The following RAPGEF4 variants were observed in gnomAD, a reference collection of about 807,000 sequenced individuals.
RAPGEF4 encodes the protein RAP guanine-nucleotide-exchange factor (GEF) 4.
A neutral mutation model predicts 147.9 loss-of-function variants in RAPGEF4; 66 were observed. The observed-to-expected ratio is 0.45, with a 90% CI of 0.37 to 0.55. RAPGEF4 has a LOEUF of 0.55. RAPGEF4 is among the 20% of genes least tolerant of loss of function. RAPGEF4 has a pLI of 0.00. For missense variants in RAPGEF4, 1,071 were observed against 1,257.3 expected (o/e 0.85, Z 2.24); for synonymous variants, 419 against 442.7 (o/e 0.95, Z 0.67).
chr2:173,003,624 A>G (rs1179113705), intron 17 of RAPGEF4, among the ~76,000 whole-genome samples: 1 of 152,176 alleles, frequency 6.6e-6, no homozygotes, highest in Non-Finnish European at 1.5e-5. Flanking sequence ...CCCCACAAAA[A>G]AACAAAAAAG....
At chr2:172,763,278 T>C (rs921078477) in intron 1 of RAPGEF4, among the ~76,000 whole-genome samples, 11 of 152,248 alleles carry the variant, frequency 7.2e-5, no homozygotes, top group African/African-American at 2.2e-4. Context: ...AGAATTTTTA[T>C]AAAGCCTTTG....
At chr2:172,774,175 A>G (rs914945839) in intron 1 of RAPGEF4, among the ~76,000 whole-genome samples, 1 of 152,234 alleles carries the variant, frequency 6.6e-6, no homozygotes, top group Non-Finnish European at 1.5e-5. Flanking sequence ...AGCATGACAT[A>G]TGGAGCCCTA....
intron 6 of RAPGEF4, among the ~76,000 whole-genome samples, chr2:172,950,997 A>G (rs920806282): frequency 6.6e-6 from 1 of 152,252 alleles, no homozygotes; most frequent in Non-Finnish European, 1.5e-5. Flanking sequence ...AGAAATGAAG[A>G]ATCTTAGGTA....
At chr2:173,032,624 G>C (rs1259189641) in intron 26 of RAPGEF4, among the ~76,000 whole-genome samples, 1 of 152,154 alleles carries the variant, frequency 6.6e-6, no homozygotes, top group Admixed American at 6.5e-5. Flanking sequence ...GCCCATCCCA[G>C]CTTTCAGCCC....
At chr2:172,905,257 G>A (rs1424383338) in intron 4 of RAPGEF4, among the ~76,000 whole-genome samples, 1 of 151,990 alleles carries the variant, frequency 6.6e-6, no homozygotes, top group African/African-American at 2.4e-5. Context: ...GCGAATCCAG[G>A]TATTTGTACT....
intron 1 of RAPGEF4, among the ~76,000 whole-genome samples, chr2:172,769,981 G>A (rs1219811689): frequency 6.6e-6 from 1 of 152,148 alleles, no homozygotes; most frequent in East Asian, 1.9e-4. Flanking sequence ...GGATAAAAAG[G>A]TGATCATGAT....
At chr2:172,842,147 C>G (rs1291894727) in intron 4 of RAPGEF4, among the ~76,000 whole-genome samples, 1 of 152,120 alleles carries the variant, frequency 6.6e-6, no homozygotes, top group Non-Finnish European at 1.5e-5. Flanking sequence ...ACAGCATGGT[C>G]TTTTCTCTCA....
At chr2:172,890,939 G>T (rs921474810) in intron 4 of RAPGEF4, among the ~76,000 whole-genome samples, 1 of 152,162 alleles carries the variant, frequency 6.6e-6, no homozygotes, top group South Asian at 2.1e-4. Flanking sequence ...AGACCAGCCT[G>T]GCCAACATGG....
intron 5 of RAPGEF4, among the ~76,000 whole-genome samples, chr2:172,920,254 A>G (rs1459978645): frequency 1.3e-5 from 2 of 152,158 alleles, no homozygotes; most frequent in African/African-American, 4.8e-5. Context: ...TTCTAATCAC[A>G]ATCACATATA....
intron 4 of RAPGEF4, among the ~76,000 whole-genome samples, chr2:172,817,069 A>T (rs72908153): frequency 0.11 from 17,394 of 152,218 alleles, 1,040 homozygotes; most frequent in South Asian, 0.18. Flanking sequence ...CTGAATAAAA[A>T]AGATTGAATT....
intron 29 of RAPGEF4, among the ~76,000 whole-genome samples, chr2:173,046,639 A>G (rs1480248340): frequency 6.6e-6 from 1 of 152,232 alleles, no homozygotes. Context: ...CATAGTTACT[A>G]TTTATTTCAC....
At chr2:172,842,376 A>G (rs1192785450) in intron 4 of RAPGEF4, among the ~76,000 whole-genome samples, 1 of 152,224 alleles carries the variant, frequency 6.6e-6, no homozygotes, top group East Asian at 1.9e-4. Flanking sequence ...AGTCTATTCT[A>G]GTTATCTATT....
intron 4 of RAPGEF4, among the ~76,000 whole-genome samples, chr2:172,844,099 T>G (rs955729750): frequency 2.6e-5 from 4 of 152,230 alleles, no homozygotes; most frequent in Admixed American, 1.3e-4. Flanking sequence ...GACATATAAG[T>G]ACTCCACATT....
rs146008882 is a variant in RAPGEF4, at chr2:173,052,034, C to T, written c.*267C>T. ...ATTTCCACTTGTGCCATCTTCTTTG[C>T]TGAAGTGTTGAATAAGGCCCACGTG... On this transcript the variant is annotated 3_prime_UTR_variant, in exon 31 of 31. Transcript: ENST00000397081. 22 of 276,796 alleles carry T rather than the reference C, an allele frequency of 7.9e-5. No individual in the cohort carries two copies. Among genetic ancestry groups the T allele is most frequent in the Non-Finnish European group, 1.3e-4 (19 of 145,872 alleles). 17.1% of individuals were successfully genotyped at this position (276,796 alleles called of 1,614,324 possible).
At chr2:172,760,987 T>C (rs1377446096) in intron 1 of RAPGEF4, among the ~76,000 whole-genome samples, 2 of 150,824 alleles carry the variant, frequency 1.3e-5, no homozygotes, top group Non-Finnish European at 3.0e-5. Flanking sequence ...GAAAACATAC[T>C]TAAAAGCAGC....
chr2:173,051,184 C>CT (rs1161264933), intron 30 of RAPGEF4, among the ~76,000 whole-genome samples: 2 of 152,312 alleles, frequency 1.3e-5, no homozygotes, highest in East Asian at 3.9e-4. Flanking sequence ...ACTCTGTAGT[C>CT]TCACTGGCTT....
chr2:172,956,472 C>CT (rs35815206), intron 6 of RAPGEF4, among the ~76,000 whole-genome samples: 66,454 of 136,080 alleles, frequency 0.49, 16,720 homozygotes, highest in Non-Finnish European at 0.55. Context: ...GTTTCTTTTT[C>CT]TTTTTTTTTT....
chr2:172,746,635 C>G (rs1340551745), intron 1 of RAPGEF4, among the ~76,000 whole-genome samples: 1 of 149,712 alleles, frequency 6.7e-6, no homozygotes, highest in Non-Finnish European at 1.5e-5. Context: ...TTTTTTGAGA[C>G]AGAGTCTTAC....
At chr2:172,769,284 G>T (rs1697138563) in intron 1 of RAPGEF4, among the ~76,000 whole-genome samples, 1 of 152,142 alleles carries the variant, frequency 6.6e-6, no homozygotes, top group South Asian at 2.1e-4. Flanking sequence ...AAACTCAAAG[G>T]AAGGCCAGAT....
Sources: allele counts gnomAD v4.1 joint callset (sites outside exome capture counted in the v4.1 genomes callset), GRCh38; gene constraint gnomAD v4.1.1; transcripts MANE v1.5; gene names NCBI Gene and HGNC (gene_info 2026-07-23, HGNC 2026-07-21).